Variants in SMAP2 observed in about 807,000 individuals in gnomAD.
The protein encoded by SMAP2 is small ArfGAP2.
In SMAP2, 25 loss-of-function variants were observed where a neutral mutation model predicts 56.4. The ratio of observed to expected loss-of-function variants is 0.44; its 90% CI spans 0.32 to 0.62. SMAP2 has a LOEUF of 0.62. Ranked by LOEUF, SMAP2 falls within the 20% of genes least tolerant of loss-of-function variation. SMAP2 has a pLI of 0.04. For synonymous variants in SMAP2, 157 were observed against 181.7 expected, an observed-to-expected ratio of 0.86 and a Z score of 1.09; for missense variants, 388 against 545.6, an observed-to-expected ratio of 0.71 and a Z score of 2.88.
intron 1 of SMAP2, among the ~76,000 whole-genome samples, chr1:40,392,471 A>G (rs1319450167): frequency 2.0e-5 from 3 of 152,174 alleles, no homozygotes; most frequent in East Asian, 1.9e-4. Context: ...GTACTGAGAT[A>G]GTCTCACTGT....
intron 1 of SMAP2, among the ~76,000 whole-genome samples, chr1:40,376,907 A>T (rs1169712606): frequency 6.6e-6 from 1 of 152,146 alleles, no homozygotes; most frequent in African/African-American, 2.4e-5. Flanking sequence ...CCAAAATATA[A>T]CTCTTTGGCA....
At chr1:40,375,271 TG>T (rs910876097) in intron 1 of SMAP2, among the ~76,000 whole-genome samples, 1 of 152,208 alleles carries the variant, frequency 6.6e-6, no homozygotes, top group Admixed American at 6.5e-5. Flanking sequence ...AGTTATATTT[TG>T]GGGGCGACAA....
In SMAP2 at chr1:40,415,257, G is replaced by C. The variant is rs374248678; in HGVS notation, c.572-15G>C. 6 of 1,595,400 alleles carry C rather than the reference G, an allele frequency of 3.8e-6. No homozygotes were observed. Among genetic ancestry groups the C allele is most frequent in the Non-Finnish European group, 4.3e-6 (5 of 1,163,140 alleles). ...ATAAGCAGTGCTGCATCTTAACTTC[G>C]ATCTCTCTTTCTAGATGCTCCTGTG... On this transcript the variant is annotated splice_polypyrimidine_tract_variant and intron_variant, in intron 6 of 9. Coordinates refer to ENST00000372718, the MANE Select transcript of SMAP2 (RefSeq NM_022733.3).
chr1:40,380,620 C>T lies in SMAP2; in HGVS notation c.103+6397C>T, dbSNP rs1644589066. 3.3e-5 allele frequency among the ~76,000 whole-genome samples: 5 copies of T among 150,874 alleles called. No homozygotes were observed. The Admixed American group carries it at 3.3e-4, about 10-fold the overall frequency. On this transcript the variant is annotated intron_variant, in intron 1 of 9. Transcript: ENST00000372718. ...TCTTGGCTCACTGCAACCTCCACTTCCCGGGTTCAAGCCATTCTCCTGCCT... is the reference window on the plus strand; with the variant it reads ...TCTTGGCTCACTGCAACCTCCACTTTCCGGGTTCAAGCCATTCTCCTGCCT...
chr1:40,415,520 G>T, intron 7 of SMAP2, 139 bp downstream of exon 7: 1 of 687,314 alleles, frequency 1.5e-6, no homozygotes, highest in South Asian at 1.7e-5. Context: ...CCTTAACATT[G>T]TGTCATTTCT....
chr1:40,401,305 T>A (rs2124317883), intron 1 of SMAP2, among the ~76,000 whole-genome samples: 1 of 152,158 alleles, frequency 6.6e-6, no homozygotes, highest in Non-Finnish European at 1.5e-5. Context: ...TGCTTATAGG[T>A]GAGACATGAG....
At position 40,416,053 on chromosome 1, in the gene SMAP2, G is replaced by T. The variant is rs1391610067; in HGVS notation, c.682-123G>T. The T allele has an allele frequency of 4.6e-6, 4 of 873,648 alleles. No homozygotes were observed. In the African/African-American group the frequency reaches 6.8e-5, roughly 15 times the overall value. 54.1% of individuals were successfully genotyped at this position (873,648 alleles called of 1,614,324 possible). On this transcript the variant is annotated intron_variant, in intron 7 of 9. Coordinates refer to ENST00000372718, the MANE Select transcript of SMAP2 (RefSeq NM_022733.3). ...AGTTGAATGGTAAAAATGTTAGGAA[G>T]CTATTAACTTGAGCCATGAATTCTT... is the stretch of plus-strand genomic sequence containing the variant.
rs1644649462 is a variant in SMAP2 at position 40,385,916 on chromosome 1, G to C, written c.103+11693G>C. Among the ~76,000 whole-genome samples, 1 of 152,182 alleles carries C rather than the reference G, an allele frequency of 6.6e-6. No individual in the cohort carries two copies. Among genetic ancestry groups the C allele is most frequent in the Admixed American group, 6.5e-5 (1 of 15,286 alleles). ...TGAGTTCTCTAGTGTTTCTAGTTTT[G>C]AGTTAAGGAAGTTTTGTCTTGATAT... On this transcript the variant is annotated intron_variant, in intron 1 of 9. Coordinates refer to ENST00000372718, the MANE Select transcript of SMAP2 (RefSeq NM_022733.3). The surrounding 1 kb of genome is among the most constrained non-coding windows in gnomAD (Gnocchi z 4.5).
At chr1:40,362,106 G>A (rs1267453167) in intron 1 of SMAP2, among the ~76,000 whole-genome samples, 1 of 152,174 alleles carries the variant, frequency 6.6e-6, no homozygotes, top group Non-Finnish European at 1.5e-5. Flanking sequence ...AGAATGTGAT[G>A]TGAGCCCTCG....
chr1:40,372,276 T>A (rs940314470), upstream of SMAP2, among the ~76,000 whole-genome samples: 2 of 152,024 alleles, frequency 1.3e-5, no homozygotes, highest in African/African-American at 4.8e-5. Context: ...CTGGGTTTTG[T>A]TGTTGTTGTT....
At chr1:40,356,406 T>G (rs904766262) in intron 1 of SMAP2, among the ~76,000 whole-genome samples, 28 of 112,206 alleles carry the variant, frequency 2.5e-4, no homozygotes, top group African/African-American at 3.6e-4. Context: ...GGGTTTTTTG[T>G]TTTTTTTTGT....
chr1:40,389,101 C>T lies in SMAP2; in HGVS notation c.103+14878C>T, dbSNP rs562463160. Among the ~76,000 whole-genome samples the T allele has an allele frequency of 2.0e-5, 3 of 152,262 alleles. No homozygotes were observed. The South Asian group carries it at 6.2e-4, about 32-fold the overall frequency. On this transcript the variant is annotated intron_variant, in intron 1 of 9. Transcript: ENST00000372718. ...GAACTGTAACACTCACTGCGAGGGTCCACGGCTTCATTCTTGAAGTCAGTG... is the reference window on the plus strand; with the variant it reads ...GAACTGTAACACTCACTGCGAGGGTTCACGGCTTCATTCTTGAAGTCAGTG...
upstream of SMAP2, among the ~76,000 whole-genome samples, chr1:40,372,963 T>A (rs1272884370): frequency 1.3e-5 from 2 of 152,206 alleles, no homozygotes; most frequent in Admixed American, 1.3e-4. Context: ...TGAGAAATTA[T>A]CTGTAGCAAC....
rs1644517687 is a variant in SMAP2, at chr1:40,374,060, G to C, written c.-61G>C. The C allele has an allele frequency of 1.2e-5, 16 of 1,361,340 alleles. No homozygotes were observed. Among genetic ancestry groups the C allele is most frequent in the Non-Finnish European group, 1.7e-5 (16 of 967,146 alleles). 84.3% of individuals were successfully genotyped at this position (1,361,340 alleles called of 1,614,324 possible). A position where few individuals can be genotyped will look rare whatever the true frequency, so the allele number is the denominator to read the frequency against. ...CCGGGAGTCCTCAACCCCGGACTGA[G>C]GCAGGGGTCTCTGGGGGCGAGGAGG... On this transcript the variant is annotated 5_prime_UTR_variant, in exon 1 of 10. Coordinates refer to ENST00000372718, the MANE Select transcript of SMAP2 (RefSeq NM_022733.3). The surrounding 1 kb of genome is among the most constrained non-coding windows in gnomAD (Gnocchi z 5.9).
At chr1:40,375,828 C>A (rs1569840012) in intron 1 of SMAP2, 4 of 129,008 alleles carry the variant, frequency 3.1e-5, no homozygotes, top group Non-Finnish European at 1.9e-5. Flanking sequence ...TGACTAGAAC[C>A]CCCCCCCCCA....
At chr1:40,371,674 A>G (rs1038753757), upstream of SMAP2, among the ~76,000 whole-genome samples, 5 of 152,186 alleles carry the variant, frequency 3.3e-5, no homozygotes, top group Admixed American at 2.0e-4. Flanking sequence ...GCTCAAACTC[A>G]TTGGTCTTTC....
At chr1:40,392,293 T>C (rs138800093) in intron 1 of SMAP2, among the ~76,000 whole-genome samples, 3 of 151,940 alleles carry the variant, frequency 2.0e-5, no homozygotes, top group Non-Finnish European at 4.4e-5. Context: ...TAGAGTGTGT[T>C]CTGTGAGCAT....
chr1:40,349,172 T>A (rs2124154412), intron 1 of SMAP2, among the ~76,000 whole-genome samples: 1 of 152,348 alleles, frequency 6.6e-6, no homozygotes, highest in East Asian at 1.9e-4. Context: ...TTTCTGTGAA[T>A]TTTTCTTAGA....
chr1:40,395,772 A>T (rs948973415), intron 1 of SMAP2, among the ~76,000 whole-genome samples: 2 of 152,200 alleles, frequency 1.3e-5, no homozygotes, highest in Non-Finnish European at 2.9e-5. Context: ...AAAGATGAAG[A>T]ATGCCTCCTT....
Sources: gnomAD v4.1 joint callset for allele counts (sites outside exome capture counted in the v4.1 genomes callset) on GRCh38, gnomAD v4.1.1 for gene constraint, Gnocchi (gnomAD v3.1) non-coding constraint, MANE v1.5 for transcripts, NCBI Gene and HGNC (gene_info 2026-07-23, HGNC 2026-07-21) for gene names.